Variants in STOX1 observed in about 807,000 individuals in gnomAD.
STOX1 encodes storkhead-box protein 1.
Under a neutral mutation model 74.8 loss-of-function variants are expected in STOX1, and 57 were observed. The ratio of observed to expected loss-of-function variants is 0.76; its 90% CI spans 0.62 to 0.95. STOX1 has a LOEUF of 0.95. Ranked by LOEUF, STOX1 falls within the 40% of genes least tolerant of loss-of-function variation. The pLI is 0.00. For missense variants in STOX1, 1,010 were observed against 1,117.0 expected (o/e 0.90, Z 1.37); for synonymous variants, 375 against 401.3 (o/e 0.93, Z 0.78).
intron 1 of STOX1, among the ~76,000 whole-genome samples, chr10:68,853,270 G>T (rs1279812860): frequency 6.6e-6 from 1 of 152,074 alleles, no homozygotes; most frequent in Admixed American, 6.6e-5. Context: ...GACCCAATCC[G>T]CTGGGTTCGC....
In STOX1 at chr10:68,832,543, C is replaced by T. The variant is rs770061924; in HGVS notation, c.310+4610C>T. ...GAAAAATTAGCCCGGCATGGTGGCACGTGCCTGTAATCCCAGCTACTTGGG... is the reference window on the plus strand; with the variant it reads ...GAAAAATTAGCCCGGCATGGTGGCATGTGCCTGTAATCCCAGCTACTTGGG... On this transcript the variant is annotated intron_variant, in intron 1 of 3. Transcript: ENST00000298596. Among the ~76,000 whole-genome samples the T allele has an allele frequency of 2.6e-5, 4 of 151,946 alleles. No individual in the cohort carries two copies. The East Asian group carries it at 5.8e-4, about 22-fold the overall frequency.
At chr10:68,865,305 C>G (rs1240054964) in intron 1 of STOX1, among the ~76,000 whole-genome samples, 2 of 152,240 alleles carry the variant, frequency 1.3e-5, no homozygotes, top group Non-Finnish European at 2.9e-5. Context: ...CACAGTCCTG[C>G]TCAGCTAAGG....
intron 1 of STOX1, among the ~76,000 whole-genome samples, chr10:68,875,110 A>G (rs1225564244): frequency 6.6e-6 from 1 of 152,190 alleles, no homozygotes; most frequent in Non-Finnish European, 1.5e-5. Context: ...TGAATGTACT[A>G]TTTGAAGCCT....
At chr10:68,835,598 T>C (rs1453241384) in intron 1 of STOX1, among the ~76,000 whole-genome samples, 1 of 151,932 alleles carries the variant, frequency 6.6e-6, no homozygotes, top group Non-Finnish European at 1.5e-5. Flanking sequence ...TATGAACGTC[T>C]TCCTGCCTCT....
rs1840934116 is a variant in STOX1 at position 68,885,759 on chromosome 10, G to C, written c.1963G>C (p.Ala655Pro). 1 of 1,614,128 alleles carries C rather than the reference G, an allele frequency of 6.2e-7. No individual in the cohort carries two copies. Among genetic ancestry groups the C allele is most frequent in the South Asian group, 1.1e-5 (1 of 91,080 alleles). ...CTCCTTTTCAGACCGAACACCCTCTGCTTGTAGATTAGTGGATAACACAAT... is the reference window on the plus strand; with the variant it reads ...CTCCTTTTCAGACCGAACACCCTCTCCTTGTAGATTAGTGGATAACACAAT... ...GASFSDRTPS[A>P]CRLVDNTIHQ... The change falls in exon 3 of 4, where the codon GCT (alanine) becomes CCT (proline). Residue 655 changes from alanine (A) to proline (P), a missense_variant. By Grantham distance (27) the Ala-to-Pro change is conservative (BLOSUM62 -1). Transcript: ENST00000298596.
At chr10:68,849,446 C>T (rs926535304) in intron 1 of STOX1, among the ~76,000 whole-genome samples, 5 of 152,082 alleles carry the variant, frequency 3.3e-5, no homozygotes, top group African/African-American at 9.7e-5. Flanking sequence ...TGGAATGGCT[C>T]ATATTATTTT....
At chr10:68,889,332 A>G (rs374548437) in intron 3 of STOX1, among the ~76,000 whole-genome samples, 10 of 152,236 alleles carry the variant, frequency 6.6e-5, no homozygotes, top group African/African-American at 2.4e-4. Context: ...ATCAAGTGTA[A>G]AACGTTTTTT....
At chr10:68,878,895 C>T (rs116900985) in intron 1 of STOX1, among the ~76,000 whole-genome samples, 4,405 of 152,270 alleles carry the variant, frequency 0.029, 139 homozygotes, top group Non-Finnish European at 0.034. Context: ...CATTCAGCCC[C>T]AGGATCATGT....
At chr10:68,872,442 T>C (rs1589231461) in intron 1 of STOX1, among the ~76,000 whole-genome samples, 2 of 150,416 alleles carry the variant, frequency 1.3e-5, no homozygotes, top group Admixed American at 1.3e-4. Flanking sequence ...ACCTCCTGGG[T>C]TCAAGTGATT....
chr10:68,866,918 G>A (rs1434181626), intron 1 of STOX1, among the ~76,000 whole-genome samples: 1 of 151,102 alleles, frequency 6.6e-6, no homozygotes, highest in African/African-American at 2.4e-5. Flanking sequence ...AATTTAGAAT[G>A]ACACTGATTG....
chr10:68,838,235 T>C (rs1839609325), intron 1 of STOX1, among the ~76,000 whole-genome samples: 1 of 151,912 alleles, frequency 6.6e-6, no homozygotes, highest in Non-Finnish European at 1.5e-5. Flanking sequence ...CCCAGCTAAT[T>C]TTTGTGTTTT....
At chr10:68,828,195 G>A (rs1308137662) in intron 1 of STOX1, 12 of 894,406 alleles carry the variant, frequency 1.3e-5, no homozygotes, top group Non-Finnish European at 1.7e-5. Context: ...CCCCCCGCCT[G>A]CCTGCAGGTG....
chr10:68,831,199 A>T (rs1160507884), intron 1 of STOX1, among the ~76,000 whole-genome samples: 8 of 151,980 alleles, frequency 5.3e-5, no homozygotes, highest in Non-Finnish European at 1.0e-4. Context: ...CTATTTATTT[A>T]TTTTTGAGAC....
chr10:68,852,730 A>C (rs974012895), intron 1 of STOX1, among the ~76,000 whole-genome samples: 5 of 150,648 alleles, frequency 3.3e-5, no homozygotes, highest in Non-Finnish European at 7.4e-5. Flanking sequence ...CTACAGGCAC[A>C]TGCCACCATG....
chr10:68,847,312 A>G (rs1307000725), intron 1 of STOX1, among the ~76,000 whole-genome samples: 1 of 152,188 alleles, frequency 6.6e-6, no homozygotes, highest in East Asian at 1.9e-4. Context: ...AAGTTTAAAG[A>G]GCATCAGCAG....
At chr10:68,873,915 C>T (rs1254943032) in intron 1 of STOX1, among the ~76,000 whole-genome samples, 3 of 148,430 alleles carry the variant, frequency 2.0e-5, no homozygotes, top group Non-Finnish European at 3.0e-5. Flanking sequence ...TCTCAAAGTG[C>T]TGGGATTACA....
chr10:68,868,461 C>T (rs1218723520), intron 1 of STOX1, among the ~76,000 whole-genome samples: 1 of 152,194 alleles, frequency 6.6e-6, no homozygotes, highest in Non-Finnish European at 1.5e-5. Context: ...CTGGGTGGGC[C>T]AGGTGTTCCT....
rs1415174231 is a variant in STOX1 at position 68,842,685 on chromosome 10, A to G, written c.310+14752A>G. Among the ~76,000 whole-genome samples, 9 of 151,094 alleles carry G rather than the reference A, an allele frequency of 6.0e-5. No individual in the cohort carries two copies. The East Asian group carries it at 1.8e-3, about 30-fold the overall frequency. ...CTCCCGAGTAGCGGGGATCATGGGT[A>G]CCCGCCACCACACCTGGCTCATTTT... On this transcript the variant is annotated intron_variant, in intron 1 of 3. Coordinates refer to ENST00000298596, the MANE Select transcript of STOX1 (RefSeq NM_152709.5).
intron 1 of STOX1, among the ~76,000 whole-genome samples, chr10:68,844,289 A>T (rs926363400): frequency 2.4e-5 from 3 of 123,682 alleles, no homozygotes; most frequent in Admixed American, 9.9e-5. Context: ...CTATGTCTGG[A>T]TCTTCTTTTT....
Sources: gnomAD v4.1 joint callset for allele counts (sites outside exome capture counted in the v4.1 genomes callset) on GRCh38, gnomAD v4.1.1 for gene constraint, MANE v1.5 for transcripts, NCBI Gene and HGNC (gene_info 2026-07-23, HGNC 2026-07-21) for gene names.